Variants in ATOSA observed in about 807,000 individuals in gnomAD.
ATOSA encodes the protein atos homolog A.
the ATOSA span, chr15:52,582,079 G>T: frequency 8.3e-7 from 1 of 1,211,430 alleles, no homozygotes; most frequent in Non-Finnish European, 1.1e-6. Flanking sequence ...TTGTTAATTT[G>T]GTACACTCCA....
the ATOSA span, among the ~76,000 whole-genome samples, chr15:52,651,588 T>C: frequency 6.6e-6 from 1 of 152,188 alleles, no homozygotes; most frequent in African/African-American, 2.4e-5. Context: ...TCTATCACAT[T>C]TTTTCCCCAT....
At chr15:52,585,988 T>A in the ATOSA span, 1 of 152,224 alleles carries the variant, frequency 6.6e-6, no homozygotes, top group Non-Finnish European at 1.5e-5. Flanking sequence ...TATACACAGT[T>A]AAACTGTATA....
chr15:52,640,121 T>G, the ATOSA span, among the ~76,000 whole-genome samples: 1 of 152,094 alleles, frequency 6.6e-6, no homozygotes, highest in African/African-American at 2.4e-5. Context: ...GTTAAGATAC[T>G]TGCGCAAAGC....
chr15:52,607,994 C>T, the ATOSA span, among the ~76,000 whole-genome samples: 11 of 152,160 alleles, frequency 7.2e-5, no homozygotes, highest in Non-Finnish European at 1.3e-4. Flanking sequence ...GATTCCCCCA[C>T]CTCAGCCTCC....
At chr15:52,616,591 G>A in the ATOSA span, among the ~76,000 whole-genome samples, 5 of 152,128 alleles carry the variant, frequency 3.3e-5, no homozygotes, top group African/African-American at 4.8e-5. Flanking sequence ...ATATAAAAGT[G>A]TGACCCTGTT....
At chr15:52,599,000 T>G in the ATOSA span, among the ~76,000 whole-genome samples, 2 of 152,204 alleles carry the variant, frequency 1.3e-5, no homozygotes, top group African/African-American at 4.8e-5. Flanking sequence ...AAAAGCTCCC[T>G]GAGGCCTCAT....
At chr15:52,643,913 AAAAC>A in the ATOSA span, among the ~76,000 whole-genome samples, 26 of 151,638 alleles carry the variant, frequency 1.7e-4, no homozygotes, top group South Asian at 2.7e-3. Flanking sequence ...ATTCAGTCTC[AAAAC>A]AAACAAACAA....
the ATOSA span, among the ~76,000 whole-genome samples, chr15:52,707,864 G>A: frequency 6.6e-6 from 1 of 152,164 alleles, no homozygotes; most frequent in East Asian, 1.9e-4. Flanking sequence ...AATGAGAAAT[G>A]CTCAAAGATA....
chr15:52,643,512 C>T, the ATOSA span, among the ~76,000 whole-genome samples: 197 of 149,824 alleles, frequency 1.3e-3, no homozygotes, highest in African/African-American at 4.6e-3. Context: ...TGGTCTTGAA[C>T]TCCTGGGCTC....
At chr15:52,701,990 C>G in the ATOSA span, among the ~76,000 whole-genome samples, 2 of 151,732 alleles carry the variant, frequency 1.3e-5, no homozygotes, top group Non-Finnish European at 2.9e-5. Flanking sequence ...GAAAAATGGG[C>G]AAATAACAAA....
chr15:52,699,437 T>A, the ATOSA span, among the ~76,000 whole-genome samples: 1 of 151,630 alleles, frequency 6.6e-6, no homozygotes, highest in African/African-American at 2.4e-5. Flanking sequence ...AATCTCCAAA[T>A]CCTTTTAATC....
the ATOSA span, among the ~76,000 whole-genome samples, chr15:52,653,527 G>A: frequency 5.3e-5 from 8 of 152,178 alleles, no homozygotes; most frequent in East Asian, 1.9e-4. Context: ...TGAGGTAGGT[G>A]ACTCAGAGAA....
At chr15:52,618,542 G>A in the ATOSA span, among the ~76,000 whole-genome samples, 1 of 152,138 alleles carries the variant, frequency 6.6e-6, no homozygotes, top group African/African-American at 2.4e-5. Context: ...GGTATTACCA[G>A]GACTCTATGA....
At chr15:52,611,007 T>C in the ATOSA span, 1 of 1,188,364 alleles carries the variant, frequency 8.4e-7, no homozygotes, top group Non-Finnish European at 1.2e-6. Flanking sequence ...AAAACCTCAG[T>C]AAATTTTATC....
the ATOSA span, chr15:52,611,137 G>C: frequency 1.2e-6 from 2 of 1,613,274 alleles, no homozygotes; most frequent in Admixed American, 3.3e-5. Context: ...TACCTGTAGA[G>C]AATATTTCGT....
chr15:52,687,548 C>T, the ATOSA span, among the ~76,000 whole-genome samples: 1 of 152,184 alleles, frequency 6.6e-6, no homozygotes, highest in Non-Finnish European at 1.5e-5. Flanking sequence ...AACATATTAG[C>T]TATATTTTGG....
chr15:52,636,480 C>T, the ATOSA span, among the ~76,000 whole-genome samples: 3 of 152,020 alleles, frequency 2.0e-5, no homozygotes, highest in Non-Finnish European at 2.9e-5. Flanking sequence ...GTCCTAATCC[C>T]GTACAACTGG....
chr15:52,611,675 C>T, the ATOSA span: 33 of 1,613,882 alleles, frequency 2.0e-5, no homozygotes, highest in South Asian at 5.5e-5. Flanking sequence ...GGCCCATCAT[C>T]GCTGTAGCAG....
chr15:52,636,000 C>T, the ATOSA span, among the ~76,000 whole-genome samples: 3 of 146,406 alleles, frequency 2.0e-5, no homozygotes, highest in Non-Finnish European at 4.5e-5. Context: ...ATCTATCTCA[C>T]TCTGTCAAAT....
Sources: allele counts gnomAD v4.1 joint callset (sites outside exome capture counted in the v4.1 genomes callset), GRCh38; gene constraint gnomAD v4.1.1; transcripts MANE v1.5; gene names NCBI Gene and HGNC (gene_info 2026-07-23, HGNC 2026-07-21).